DSE: variants seen among roughly 807,000 people sequenced by gnomAD.
The protein encoded by DSE is dermatan-sulfate epimerase.
In DSE, 36 loss-of-function variants were observed where a neutral mutation model predicts 84.4. That is an observed-to-expected ratio of 0.43 (90% CI 0.33 to 0.56). The LOEUF (loss-of-function observed/expected upper bound fraction) is 0.56, where lower values mean the gene tolerates loss of function less well. Ranked by LOEUF, DSE falls within the 20% of genes least tolerant of loss-of-function variation. The pLI, the probability that DSE is intolerant of heterozygous loss-of-function variation, is 0.06. For missense variants in DSE, 862 were observed against 1,169.6 expected, an observed-to-expected ratio of 0.74 and a Z score of 3.84; for synonymous variants, 410 against 430.1, an observed-to-expected ratio of 0.95 and a Z score of 0.58.
chr6:116,411,506 T>C (rs1021136313), intron 2 of DSE, among the ~76,000 whole-genome samples: 1 of 152,158 alleles, frequency 6.6e-6, no homozygotes, highest in African/African-American at 2.4e-5. Context: ...AGAAAAAAGG[T>C]TCCTGATGAA....
At chr6:116,434,701 C>T (rs1784045037) in intron 5 of DSE, among the ~76,000 whole-genome samples, 2 of 152,098 alleles carry the variant, frequency 1.3e-5, no homozygotes, top group Non-Finnish European at 2.9e-5. Flanking sequence ...TTTTAAATCA[C>T]ATTAATTAAG....
At chr6:116,369,238 A>C (rs1779362321), upstream of DSE, among the ~76,000 whole-genome samples, 1 of 152,254 alleles carries the variant, frequency 6.6e-6, no homozygotes, top group Admixed American at 6.5e-5. Context: ...TCTAGGTTGG[A>C]GAATCACTGA....
Position 116,435,703 on chromosome 6 carries a change from G to C in DSE, c.1235G>C (p.Arg412Thr). 1 of 1,614,114 alleles carries C rather than the reference G, an allele frequency of 6.2e-7. No homozygotes were observed. Among genetic ancestry groups the C allele is most frequent in the Non-Finnish European group, 8.5e-7 (1 of 1,179,990 alleles). ...YGSALPAEIN[R>T]SFLSFKSGKL... ...AGTGCACTACCTGCAGAAATCAATAGATCTTTCCTTTCCTTCAAGTCTGGA... is the reference window on the plus strand; with the variant it reads ...AGTGCACTACCTGCAGAAATCAATACATCTTTCCTTTCCTTCAAGTCTGGA... Residue 412 changes from arginine (R) to threonine (T), a missense_variant, in exon 6 of 6, where the codon AGA (arginine) becomes ACA (threonine). Transcript: ENST00000644252.
chr6:116,395,850 A>G (rs1781221325), intron 1 of DSE, among the ~76,000 whole-genome samples: 1 of 152,220 alleles, frequency 6.6e-6, no homozygotes, highest in Admixed American at 6.5e-5. Context: ...TTTTTCAGTG[A>G]AATTTTCTAG....
chr6:116,271,280 A>G (rs1341033389), intron 2 of DSE, among the ~76,000 whole-genome samples: 1 of 152,220 alleles, frequency 6.6e-6, no homozygotes, highest in Non-Finnish European at 1.5e-5. Context: ...CCTCACCTTC[A>G]GAGTTCTGTT....
At chr6:116,346,129 A>T (rs1777951142) in intron 2 of DSE, among the ~76,000 whole-genome samples, 1 of 152,230 alleles carries the variant, frequency 6.6e-6, no homozygotes, top group Admixed American at 6.5e-5. Context: ...AATAATTAAT[A>T]GCCTACCAAC....
upstream of DSE, chr6:116,370,044 C>G: frequency 1.0e-6 from 1 of 1,000,244 alleles, no homozygotes; most frequent in Non-Finnish European, 1.4e-6. Context: ...CTGATCCTAC[C>G]TCACATCTCC....
rs1285034200 is a variant in DSE, at chr6:116,436,462, T to C, written c.1994T>C (p.Ile665Thr). ...SPITRAAYLFIGPSIDVQSFT... is the reference protein window; with the variant it reads ...SPITRAAYLFTGPSIDVQSFT... ...ATCACCAGGGCAGCTTACCTCTTCA[T>C]AGGGCCATCTATAGATGTTCAGAGC... Residue 665 changes from isoleucine (I) to threonine (T), a missense_variant, in exon 6 of 6, where the codon ATA becomes ACA. Around this residue, in one of 4 missense-constraint regions of DSE, gnomAD observed 186 missense variants for 255.1 expected, o/e 0.73. Coordinates refer to ENST00000644252, the MANE Select transcript of DSE (RefSeq NM_013352.4). The C allele has an allele frequency of 6.2e-7, 1 of 1,614,032 alleles. No individual in the cohort carries two copies. Among genetic ancestry groups the C allele is most frequent in the African/African-American group, 1.3e-5 (1 of 74,914 alleles).
chr6:116,371,372 C>G (rs530004965), intron 1 of DSE, among the ~76,000 whole-genome samples: 1 of 152,186 alleles, frequency 6.6e-6, no homozygotes, highest in Admixed American at 6.5e-5. Flanking sequence ...GGCAGCTTTT[C>G]GATCCTCCCC....
intron 1 of DSE, among the ~76,000 whole-genome samples, chr6:116,382,398 G>A (rs1012845525): frequency 1.4e-4 from 22 of 152,084 alleles, no homozygotes; most frequent in Non-Finnish European, 1.8e-4. Flanking sequence ...CTTTCTGCCT[G>A]GGCCTACACC....
At chr6:116,301,321 A>T (rs529260830) in intron 2 of DSE, among the ~76,000 whole-genome samples, 2 of 152,008 alleles carry the variant, frequency 1.3e-5, no homozygotes, top group African/African-American at 4.8e-5. Context: ...TTCCTCGGAG[A>T]TGATGGGGAC....
chr6:116,319,018 G>C (rs1776148953), intron 2 of DSE, among the ~76,000 whole-genome samples: 1 of 152,164 alleles, frequency 6.6e-6, no homozygotes, highest in Non-Finnish European at 1.5e-5. Context: ...GTCTCTTCTA[G>C]AAATTGAGGG....
At chr6:116,411,119 T>C (rs993495915) in intron 2 of DSE, among the ~76,000 whole-genome samples, 1 of 152,150 alleles carries the variant, frequency 6.6e-6, no homozygotes, top group Non-Finnish European at 1.5e-5. Flanking sequence ...CTGCTTCCTG[T>C]TTGCCAGTGG....
chr6:116,333,518 T>C (rs1463182074), intron 2 of DSE, among the ~76,000 whole-genome samples: 2 of 152,222 alleles, frequency 1.3e-5, no homozygotes, highest in African/African-American at 4.8e-5. Context: ...TACCGTTACA[T>C]TGGCAATTAA....
Position 116,442,934 on chromosome 6 carries a change from C to CG in DSE, c.*5589_*5590insG, listed in dbSNP as rs1784472999. 1 of 80,350 alleles carries CG rather than the reference C, an allele frequency of 1.2e-5. No homozygotes were observed. Among genetic ancestry groups the CG allele is most frequent in the African/African-American group, 4.0e-5 (1 of 24,886 alleles). The allele number at this position is 80,350 out of a possible 1,614,324, so 5.0% of individuals were successfully genotyped here. A position where few individuals can be genotyped will look rare whatever the true frequency, so the allele number is the denominator to read the frequency against. On this transcript the variant is annotated 3_prime_UTR_variant, in exon 6 of 6. Transcript: ENST00000644252. ...CCCTGAGATGGCTCTGATATGCCCCCCATATTCCATATGTTTACTCCCTGG... is the reference window on the plus strand; with the variant it reads ...CCCTGAGATGGCTCTGATATGCCCCCGCATATTCCATATGTTTACTCCCTGG...
At position 116,259,099 on chromosome 6, in the gene DSE, G is replaced by C. The variant is rs555995009; in HGVS notation, c.-54+132G>C. 7.9e-4 allele frequency: 1,206 copies of C among 1,531,696 alleles called. 20 individuals carry two copies. In the South Asian group the frequency reaches 0.013, roughly 17 times the overall value. The allele number at this position is 1,531,696 out of a possible 1,614,324, so 94.9% of individuals were successfully genotyped here. On this transcript the variant is annotated intron_variant, in intron 2 of 3. Transcript: ENST00000430252. Reference sequence around the variant, plus strand: ...GGTCTCTGCCACTGCTGGTGCTGCTGTCTCCCACTCAGTCATCGTGAGAAC... The same window carrying C: ...GGTCTCTGCCACTGCTGGTGCTGCTCTCTCCCACTCAGTCATCGTGAGAAC...
In DSE at chr6:116,303,171, T is replaced by C. The variant is rs117434192; in HGVS notation, c.-54+44204T>C. On this transcript the variant is annotated intron_variant, in intron 2 of 3. Coordinates refer to the DSE transcript ENST00000430252. ...TTCTTTTTATGCTATTTGCTTTGCT[T>C]GAATTTCTCTTTACCTCCACCCCTC... Among the ~76,000 whole-genome samples the C allele has an allele frequency of 1.3e-3, 197 of 152,280 alleles. 1 individual carries two copies. In the East Asian group the frequency reaches 0.021, roughly 16 times the overall value.
intron 4 of DSE, among the ~76,000 whole-genome samples, chr6:116,431,675 G>T (rs522940): frequency 0.67 from 102,375 of 151,994 alleles, 34,918 homozygotes; most frequent in Admixed American, 0.73. Flanking sequence ...CTTTAGTATT[G>T]TAATATTTTA....
chr6:116,354,145 TC>T (rs1457556259), intron 2 of DSE, among the ~76,000 whole-genome samples: 2 of 152,192 alleles, frequency 1.3e-5, no homozygotes, highest in Non-Finnish European at 1.5e-5. Context: ...TTAGTTCAGG[TC>T]CTTGATATAT....
Sources: gnomAD v4.1 joint callset for allele counts (sites outside exome capture counted in the v4.1 genomes callset) on GRCh38, gnomAD v4.1.1 for gene constraint, gnomAD v4.1.1 regional missense constraint, MANE v1.5 for transcripts, NCBI Gene and HGNC (gene_info 2026-07-23, HGNC 2026-07-21) for gene names.